Variants in MOK observed in about 807,000 individuals in gnomAD.
MOK encodes the protein MOK protein kinase.
Under a neutral mutation model 54.2 loss-of-function variants are expected in MOK, and 59 were observed. The ratio of observed to expected loss-of-function variants is 1.09; its 90% CI spans 0.88 to 1.35. MOK has a LOEUF of 1.35. MOK is among the 40% of genes most tolerant of loss of function. The probability of loss-of-function intolerance (pLI) is 0.00; values close to 1 mark genes in which losing one functional copy is unlikely to be tolerated. For missense variants in MOK, 517 were observed against 526.2 expected (o/e 0.98, Z 0.17); for synonymous variants, 210 against 202.7 (o/e 1.04, Z -0.31).
intron 2 of MOK, among the ~76,000 whole-genome samples, chr14:102,279,299 T>TGTC (rs1444295676): frequency 6.6e-6 from 1 of 151,966 alleles, no homozygotes; most frequent in Non-Finnish European, 1.5e-5. Flanking sequence ...TTGTTGTTGT[T>TGTC]GTTGTTGTTG....
intron 1 of MOK, among the ~76,000 whole-genome samples, chr14:102,291,527 C>T (rs1240857038): frequency 6.6e-6 from 1 of 152,170 alleles, no homozygotes; most frequent in Non-Finnish European, 1.5e-5. Context: ...CTGTTGCTTG[C>T]TAAAACACCA....
Position 102,254,572 on chromosome 14 carries a change from C to T in MOK, c.284-2577G>A, listed in dbSNP as rs76846165. Among the ~76,000 whole-genome samples, 705 of 152,228 alleles carry T rather than the reference C, an allele frequency of 4.6e-3. 6 individuals are homozygous for T. The highest frequency in any genetic ancestry group is 0.016 in the African/African-American group (654 of 41,540). ...CAGTCTCACTGCTCCCGACTTACCC[C>T]GGCACTCAAGACCCCCTTCAACCAA... On this transcript the variant is annotated intron_variant, in intron 4 of 11. Coordinates refer to ENST00000361847, the MANE Select transcript of MOK (RefSeq NM_014226.3).
At chr14:102,216,211 G>C in the MOK span, among the ~76,000 whole-genome samples, 2 of 152,232 alleles carry the variant, frequency 1.3e-5, no homozygotes, top group Non-Finnish European at 2.9e-5. Flanking sequence ...GGCTGTCAAA[G>C]CGGAGGGAAC....
intron 1 of MOK, among the ~76,000 whole-genome samples, chr14:102,290,524 A>C (rs1054935752): frequency 1.3e-5 from 2 of 152,158 alleles, no homozygotes; most frequent in African/African-American, 4.8e-5. Context: ...TTAACCATTC[A>C]ATTTGTGTAT....
downstream of MOK, among the ~76,000 whole-genome samples, chr14:102,222,327 C>CA (rs2063989741): frequency 6.6e-6 from 1 of 152,242 alleles, no homozygotes; most frequent in East Asian, 1.9e-4. The surrounding 1 kb of genome is among the most constrained non-coding windows in gnomAD (Gnocchi z 4.4). Context: ...GCCACGGTCA[C>CA]ACCACCCAAC....
At chr14:102,247,691 G>A (rs760832789) in intron 7 of MOK, among the ~76,000 whole-genome samples, 1 of 152,216 alleles carries the variant, frequency 6.6e-6, no homozygotes, top group Non-Finnish European at 1.5e-5. Flanking sequence ...CAAAATCACA[G>A]AGGCGTAGAC....
chr14:102,258,276 C>T (rs1437922207), intron 4 of MOK, among the ~76,000 whole-genome samples: 2 of 152,160 alleles, frequency 1.3e-5, no homozygotes, highest in Non-Finnish European at 1.5e-5. Context: ...TGCCTGCCTA[C>T]TCCGTTTCCT....
intron 4 of MOK, among the ~76,000 whole-genome samples, chr14:102,260,090 C>A (rs1410600035): frequency 2.0e-5 from 3 of 151,254 alleles, no homozygotes; most frequent in Admixed American, 1.3e-4. Flanking sequence ...GCAGGAGAAT[C>A]GCTTGAACCC....
At chr14:102,296,855 C>T (rs764081009) in intron 1 of MOK, among the ~76,000 whole-genome samples, 1 of 151,836 alleles carries the variant, frequency 6.6e-6, no homozygotes, top group Non-Finnish European at 1.5e-5. Context: ...GTCAGGAGAT[C>T]GAGACAAGCC....
chr14:102,229,505 T>A lies in MOK; in HGVS notation c.1134A>T (p.Gly378=). The A allele has an allele frequency of 6.2e-7, 1 of 1,614,096 alleles. No individual in the cohort carries two copies. Among genetic ancestry groups the A allele is most frequent in the East Asian group, 2.2e-5 (1 of 44,866 alleles). Residue 378 remains glycine (G), a synonymous_variant, in exon 11 of 12, where the codon GGA becomes GGT. Coordinates refer to ENST00000361847, the MANE Select transcript of MOK (RefSeq NM_014226.3). ...LQSVLGSGTN[G]RVPVLRPLKC... ...TCAAGGGTCTCAGCACCGGCACTCT[T>A]CCATTTGTTCCAGATCCAAGCACGG...
chr14:102,273,592 A>G (rs995786545), intron 2 of MOK, among the ~76,000 whole-genome samples: 2 of 152,158 alleles, frequency 1.3e-5, no homozygotes, highest in South Asian at 2.1e-4. Flanking sequence ...AGCCTGGCCA[A>G]CATGACAAAA....
At chr14:102,300,323 CAAAA>C (rs71468398) in intron 1 of MOK, among the ~76,000 whole-genome samples, 9 of 38,498 alleles carry the variant, frequency 2.3e-4, no homozygotes, top group Admixed American at 9.8e-4. Flanking sequence ...AACTCTATCT[CAAAA>C]AAAAAAAAAA....
chr14:102,258,796 G>A (rs1016883244), intron 4 of MOK, among the ~76,000 whole-genome samples: 30 of 152,172 alleles, frequency 2.0e-4, no homozygotes, highest in Admixed American at 4.6e-4. Flanking sequence ...GGCTGGGCGC[G>A]GTGGCTCACG....
intron 1 of MOK, among the ~76,000 whole-genome samples, chr14:102,303,295 C>G (rs2072448051): frequency 6.6e-6 from 1 of 152,216 alleles, no homozygotes; most frequent in Non-Finnish European, 1.5e-5. Context: ...AACGTTGCCT[C>G]TCACATATTC....
chr14:102,261,185 A>T (rs2067361509), intron 4 of MOK, among the ~76,000 whole-genome samples: 1 of 148,582 alleles, frequency 6.7e-6, no homozygotes, highest in African/African-American at 2.5e-5. Flanking sequence ...TGCACCTGGG[A>T]GGCAGAGGTT....
the MOK span, among the ~76,000 whole-genome samples, chr14:102,218,013 G>A: frequency 6.6e-6 from 1 of 152,230 alleles, no homozygotes; most frequent in East Asian, 1.9e-4. Context: ...CAGTGGAGGT[G>A]ACCTCCACAG....
At chr14:102,247,845 G>A (rs766373501) in intron 7 of MOK, among the ~76,000 whole-genome samples, 3 of 152,176 alleles carry the variant, frequency 2.0e-5, no homozygotes, top group South Asian at 2.1e-4. Context: ...TCCCCCGATG[G>A]CCAGCGTGGC....
downstream of MOK, chr14:102,226,050 C>T (rs1288685444): frequency 1.0e-5 from 5 of 486,362 alleles, no homozygotes; most frequent in Admixed American, 7.8e-5. The surrounding 1 kb of genome is among the most constrained non-coding windows in gnomAD (Gnocchi z 4.8). Flanking sequence ...CTGGCTGCAC[C>T]GCAGGTGTGG....
intron 1 of MOK, among the ~76,000 whole-genome samples, chr14:102,300,798 G>C (rs993746455): frequency 1.3e-5 from 2 of 152,092 alleles, no homozygotes; most frequent in African/African-American, 4.8e-5. Flanking sequence ...TATCATCCCT[G>C]TTTAAAGATG....
Sources: gnomAD v4.1 joint callset for allele counts (sites outside exome capture counted in the v4.1 genomes callset) on GRCh38, gnomAD v4.1.1 for gene constraint, Gnocchi (gnomAD v3.1) non-coding constraint, MANE v1.5 for transcripts, NCBI Gene and HGNC (gene_info 2026-07-23, HGNC 2026-07-21) for gene names.